USP6NL: variants seen among roughly 807,000 people sequenced by gnomAD.
USP6NL encodes USP6 N-terminal-like protein.
A neutral mutation model predicts 61.9 loss-of-function variants in USP6NL; 26 were observed. The observed-to-expected ratio is 0.42, with a 90% confidence interval of 0.31 to 0.58. The LOEUF is 0.58. Ranked by LOEUF, USP6NL falls within the 20% of genes least tolerant of loss-of-function variation. USP6NL has a pLI of 0.16. For synonymous variants in USP6NL, 432 were observed against 390.1 expected (o/e 1.11, Z -1.27); for missense variants, 1,114 against 1,034.3 (o/e 1.08, Z -1.06).
rs764342021 is a variant in USP6NL at position 11,554,966 on chromosome 10, A to ATTTTTTTTTTTTTTT, written c.5-27414_5-27400dup. Among the ~76,000 whole-genome samples, 491 of 111,714 alleles carry ATTTTTTTTTTTTTTT rather than the reference A, an allele frequency of 4.4e-3. 11 individuals are homozygous for ATTTTTTTTTTTTTTT. Among genetic ancestry groups the ATTTTTTTTTTTTTTT allele is most frequent in the African/African-American group, 0.014 (413 of 30,264 alleles). The allele number at this position is 111,714 out of a possible 152,430, so 73.3% of individuals were successfully genotyped here. On this transcript the variant is annotated intron_variant, in intron 2 of 14. Coordinates refer to ENST00000609104, the MANE Select transcript of USP6NL (RefSeq NM_014688.5). ...AGGTGCCTGCCACCATGCCCGGCTA[A>ATTTTTTTTTTTTTTT]TTTTTTTTTTTTTTTTTTTACTAGA...
chr10:11,493,369 C>T, intron 7 of USP6NL, 141 bp from the exon 8 acceptor site: 3 of 668,574 alleles, frequency 4.5e-6, no homozygotes, highest in Non-Finnish European at 5.0e-6. Flanking sequence ...ACTATATATA[C>T]AAAAAGGTAC....
rs551291954 is a variant in USP6NL at position 11,487,269 on chromosome 10, A to G, written c.665-1358T>C. On this transcript the variant is annotated intron_variant, in intron 10 of 14. Coordinates refer to ENST00000609104, the MANE Select transcript of USP6NL (RefSeq NM_014688.5). This position sits in a 1 kb window ranked among gnomAD's most constrained non-coding sequence, Gnocchi z 4.2. ...TCCTTAGCTTCAATTCCACACATTTATAAGTGAAACCACCTTCACACTAGA... is the reference window on the plus strand; with the variant it reads ...TCCTTAGCTTCAATTCCACACATTTGTAAGTGAAACCACCTTCACACTAGA... 7.2e-5 allele frequency among the ~76,000 whole-genome samples: 11 copies of G among 152,316 alleles called. No homozygotes were observed. The highest frequency in any genetic ancestry group is 2.2e-4 in the African/African-American group (9 of 41,562).
At chr10:11,547,473 T>G (rs997070163) in intron 2 of USP6NL, among the ~76,000 whole-genome samples, 11 of 152,072 alleles carry the variant, frequency 7.2e-5, no homozygotes, top group African/African-American at 2.7e-4. Flanking sequence ...AATTATAAAA[T>G]ATTTCCTGCC....
intron 8 of USP6NL, among the ~76,000 whole-genome samples, chr10:11,492,071 T>TA (rs1833728947): frequency 6.6e-6 from 1 of 152,218 alleles, no homozygotes; most frequent in African/African-American, 2.4e-5. Flanking sequence ...CCACAGTGTG[T>TA]AAGTTACAGG....
At chr10:11,549,679 A>G (rs1393996057) in intron 2 of USP6NL, among the ~76,000 whole-genome samples, 1 of 152,204 alleles carries the variant, frequency 6.6e-6, no homozygotes, top group Non-Finnish European at 1.5e-5. Flanking sequence ...GTGGTAATCA[A>G]GCCCACATTT....
intron 2 of USP6NL, among the ~76,000 whole-genome samples, chr10:11,566,034 C>T (rs1837139717): frequency 6.6e-6 from 1 of 152,118 alleles, no homozygotes; most frequent in Non-Finnish European, 1.5e-5. Context: ...GCCATCACCA[C>T]TAAATATTTT....
In USP6NL at chr10:11,468,931, G is replaced by A. The variant is rs569530297; in HGVS notation, c.1079-5082C>T. 6.6e-5 allele frequency among the ~76,000 whole-genome samples: 10 copies of A among 152,294 alleles called. No homozygotes were observed. Among genetic ancestry groups the A allele is most frequent in the African/African-American group, 2.4e-4 (10 of 41,566 alleles). ...ATGCAAAGGTATGTGTCATACATAC[G>A]TAGGAGATTTAATTTTTTAATATAA... On this transcript the variant is annotated intron_variant, in intron 14 of 14. Coordinates refer to ENST00000609104, the MANE Select transcript of USP6NL (RefSeq NM_014688.5). The surrounding 1 kb of genome is among the most constrained non-coding windows in gnomAD (Gnocchi z 4.5).
At position 11,463,600 on chromosome 10, in the gene USP6NL, A is replaced by G. The variant is rs1426909128; in HGVS notation, c.1328T>C (p.Leu443Pro). The change falls in exon 15 of 15, where the codon CTT becomes CCT. Residue 443 changes from leucine (L) to proline (P), a missense_variant. Physicochemically the swap from Leu to Pro is moderately conservative, Grantham distance 98. Transcript: ENST00000609104. The surrounding 1 kb of genome is among the most constrained non-coding windows in gnomAD (Gnocchi z 6.3). The part of the protein sequence containing the change: ...RKSVEEESKK[L>P]KDEADFQRKL... ...TCTTTGAAAATCTGCCTCATCTTTA[A>G]GCTTTTTGCTCTCCTCCTCCACCGA... 4 of 1,613,848 alleles carry G rather than the reference A, an allele frequency of 2.5e-6. No homozygotes were observed. The highest frequency in any genetic ancestry group is 1.7e-5 in the Admixed American group (1 of 60,020).
At chr10:11,484,199 T>C (rs1833361885) in intron 13 of USP6NL, among the ~76,000 whole-genome samples, 1 of 152,172 alleles carries the variant, frequency 6.6e-6, no homozygotes, top group South Asian at 2.1e-4. Context: ...CGTATGAAGC[T>C]CTAGAGCTTT....
intron 6 of USP6NL, among the ~76,000 whole-genome samples, chr10:11,507,981 G>A (rs1489326841): frequency 6.6e-6 from 1 of 152,062 alleles, no homozygotes; most frequent in Non-Finnish European, 1.5e-5. Context: ...CTGCTTCTGT[G>A]GAACTAGTAG....
In USP6NL at chr10:11,518,765, C is replaced by T. The variant is rs913737470; in HGVS notation, c.156-191G>A. 4.5e-4 allele frequency among the ~76,000 whole-genome samples: 68 copies of T among 152,174 alleles called. No individual in the cohort carries two copies. The highest frequency in any genetic ancestry group is 1.5e-3 in the African/African-American group (64 of 41,426). ...CCACAGGGCCACCTATCTTCAAAAT[C>T]CAGCCCTGCACTGTCACCAGTAGCC... On this transcript the variant is annotated intron_variant, in intron 4 of 14. Coordinates refer to ENST00000609104, the MANE Select transcript of USP6NL (RefSeq NM_014688.5). The surrounding 1 kb of genome is among the most constrained non-coding windows in gnomAD (Gnocchi z 5.3).
chr10:11,534,370 A>G (rs74116272), intron 2 of USP6NL, among the ~76,000 whole-genome samples: 2,160 of 152,314 alleles, frequency 0.014, 55 homozygotes, highest in African/African-American at 0.049. Context: ...CTTTTACACA[A>G]AATAAGAAAG....
intron 2 of USP6NL, among the ~76,000 whole-genome samples, chr10:11,560,330 A>C (rs1460477910): frequency 1.3e-5 from 2 of 152,150 alleles, no homozygotes; most frequent in Non-Finnish European, 2.9e-5. Context: ...CAAGGATCAG[A>C]AACATCACTC....
chr10:11,497,915 A>G lies in USP6NL; in HGVS notation c.384+3186T>C, dbSNP rs1485650576. ...AATGAACCCATAAACCTGAGGGCAG[A>G]AGTACAGTGGAAAGCATTTAGATAA... On this transcript the variant is annotated intron_variant, in intron 7 of 14. Transcript: ENST00000609104. Among the ~76,000 whole-genome samples, 4 of 152,150 alleles carry G rather than the reference A, an allele frequency of 2.6e-5. No homozygotes were observed. In the East Asian group the frequency reaches 7.7e-4, roughly 29 times the overall value.
rs1234885942 is a variant in USP6NL, at chr10:11,499,732, G to A, written c.384+1369C>T. On this transcript the variant is annotated intron_variant, in intron 7 of 14. Transcript: ENST00000609104. This position sits in a 1 kb window ranked among gnomAD's most constrained non-coding sequence, Gnocchi z 4.5. ...AGGAGGCCAGGAAGATGCCTCCCTAGAGCCCTGAGAGAAAGTGTTGTCCTG... is the reference window on the plus strand; with the variant it reads ...AGGAGGCCAGGAAGATGCCTCCCTAAAGCCCTGAGAGAAAGTGTTGTCCTG... Among the ~76,000 whole-genome samples, 1 of 152,186 alleles carries A rather than the reference G, an allele frequency of 6.6e-6. No individual in the cohort carries two copies. The highest frequency in any genetic ancestry group is 1.5e-5 in the Non-Finnish European group (1 of 68,024).
chr10:11,590,280 G>C (rs1274098595), intron 2 of USP6NL, among the ~76,000 whole-genome samples: 1 of 152,162 alleles, frequency 6.6e-6, no homozygotes, highest in African/African-American at 2.4e-5. Context: ...TTCTGAGGAA[G>C]AAAGACAGAG....
At chr10:11,479,922 A>G (rs74116256) in intron 14 of USP6NL, among the ~76,000 whole-genome samples, 20 of 152,192 alleles carry the variant, frequency 1.3e-4, no homozygotes, top group African/African-American at 4.8e-4. Context: ...TTTTCTTGGT[A>G]TGAGGTTCAT....
In USP6NL at chr10:11,524,344, C is replaced by G. The variant is rs550047982; in HGVS notation, c.155+1042G>C. On this transcript the variant is annotated intron_variant, in intron 4 of 14. Transcript: ENST00000609104. ...AAAGTATTCTTATATTTTACTTTTT[C>G]AAAGCCTCAAATACACCTGAAGATA... is the stretch of plus-strand genomic sequence containing the variant. Among the ~76,000 whole-genome samples, 70 of 152,082 alleles carry G rather than the reference C, an allele frequency of 4.6e-4. 2 individuals carry two copies. Among genetic ancestry groups the G allele is most frequent in the Admixed American group, 1.4e-3 (21 of 15,272 alleles).
At chr10:11,605,181 T>TA (rs1360659669) in intron 1 of USP6NL, among the ~76,000 whole-genome samples, 1 of 152,078 alleles carries the variant, frequency 6.6e-6, no homozygotes, top group Non-Finnish European at 1.5e-5. Flanking sequence ...CTTCTTTAGG[T>TA]AAACGTTTGC....
Sources: allele counts gnomAD v4.1 joint callset (sites outside exome capture counted in the v4.1 genomes callset), GRCh38; gene constraint gnomAD v4.1.1; non-coding constraint Gnocchi (gnomAD v3.1); transcripts MANE v1.5; gene names NCBI Gene and HGNC (gene_info 2026-07-23, HGNC 2026-07-21).